NRG1: variants seen among roughly 807,000 people sequenced by gnomAD.
NRG1 encodes neuregulin 1.
A neutral mutation model predicts 63.8 loss-of-function variants in NRG1; 18 were observed. The ratio of observed to expected loss-of-function variants is 0.28; its 90% CI spans 0.19 to 0.42. NRG1 has a LOEUF of 0.42. Ranked by LOEUF, NRG1 falls within the 10% of genes least tolerant of loss-of-function variation. The pLI is 1.00. For synonymous variants in NRG1, 302 were observed against 301.3 expected, an observed-to-expected ratio of 1.00 and a Z score of -0.02; for missense variants, 762 against 814.7, an observed-to-expected ratio of 0.94 and a Z score of 0.79.
At chr8:32,103,292 C>G (rs1830808691) in intron 1 of NRG1, among the ~76,000 whole-genome samples, 1 of 152,170 alleles carries the variant, frequency 6.6e-6, no homozygotes, top group Admixed American at 6.5e-5. Context: ...CAATGTTTGT[C>G]TTTCTGTTCC....
intron 1 of NRG1, among the ~76,000 whole-genome samples, chr8:31,701,419 T>C (rs1810617204): frequency 6.6e-6 from 1 of 152,218 alleles, no homozygotes; most frequent in South Asian, 2.1e-4. Context: ...AAAGCTCTTA[T>C]GAACATACAT....
chr8:32,082,415 G>A (rs536544374), intron 1 of NRG1, among the ~76,000 whole-genome samples: 1 of 151,888 alleles, frequency 6.6e-6, no homozygotes, highest in African/African-American at 2.4e-5. Flanking sequence ...TCACCTCTAT[G>A]TGTCCATGAG....
intron 1 of NRG1, among the ~76,000 whole-genome samples, chr8:32,034,500 T>C (rs1818744756): frequency 6.6e-6 from 1 of 152,148 alleles, no homozygotes; most frequent in African/African-American, 2.4e-5. Flanking sequence ...TTTCAATTGT[T>C]TGGAATAGTT....
chr8:31,821,650 C>T (rs1824014979), intron 1 of NRG1, among the ~76,000 whole-genome samples: 1 of 151,952 alleles, frequency 6.6e-6, no homozygotes, highest in Admixed American at 6.6e-5. Context: ...TTGTCTTACC[C>T]TCTACTTACA....
intron 2 of NRG1, among the ~76,000 whole-genome samples, chr8:32,604,775 A>G (rs889706913): frequency 5.3e-5 from 8 of 152,158 alleles, no homozygotes; most frequent in African/African-American, 1.9e-4. Context: ...CTCTGAGCCA[A>G]TCCCTGCTGT....
At chr8:32,371,535 C>A (rs982940359) in intron 1 of NRG1, among the ~76,000 whole-genome samples, 1 of 152,168 alleles carries the variant, frequency 6.6e-6, no homozygotes, top group Admixed American at 6.5e-5. Flanking sequence ...AACAGCAAAA[C>A]CCCACTGCAT....
chr8:32,533,748 T>G (rs1030727515), intron 1 of NRG1, among the ~76,000 whole-genome samples: 2 of 152,022 alleles, frequency 1.3e-5, no homozygotes, highest in Admixed American at 6.6e-5. Context: ...ACCATGAAAG[T>G]GATAACGATT....
chr8:32,133,334 T>C (rs1318665296), intron 1 of NRG1, among the ~76,000 whole-genome samples: 1 of 152,014 alleles, frequency 6.6e-6, no homozygotes, highest in Non-Finnish European at 1.5e-5. Flanking sequence ...GAATTCTAGT[T>C]TTTGCCAAAT....
chr8:32,330,528 A>G (rs1802521736), intron 1 of NRG1, among the ~76,000 whole-genome samples: 1 of 152,242 alleles, frequency 6.6e-6, no homozygotes, highest in South Asian at 2.1e-4. Flanking sequence ...AGTCCTCAGC[A>G]GATCCTACCA....
rs540416934 is a variant in NRG1, at chr8:32,749,385, C to T, written c.692-4987C>T. On this transcript the variant is annotated intron_variant, in intron 7 of 11. Transcript: ENST00000356819. ...TAAAAAGAGACGTTCCCTATGTGAA[C>T]TCACAGAGGCGTACCTGAGCACTGC... 5.8e-4 allele frequency: 396 copies of T among 684,150 alleles called. 6 individuals are homozygous for T. In the South Asian group the frequency reaches 6.1e-3, roughly 11 times the overall value. The allele number at this position is 684,150 out of a possible 1,614,324, so 42.4% of individuals were successfully genotyped here.
intron 2 of NRG1, among the ~76,000 whole-genome samples, chr8:32,596,665 GC>G (rs937092511): frequency 5.1e-4 from 77 of 151,970 alleles, no homozygotes; most frequent in Middle Eastern, 3.4e-3. Context: ...GAGTACCAGT[GC>G]CTTACACAGT....
At chr8:31,963,920 T>C (rs529717068) in intron 1 of NRG1, among the ~76,000 whole-genome samples, 1 of 152,332 alleles carries the variant, frequency 6.6e-6, no homozygotes, top group South Asian at 2.1e-4. Flanking sequence ...GGCTGTTTTC[T>C]GTAGGCAAGT....
At chr8:32,176,809 A>AT (rs1319785809) in intron 1 of NRG1, among the ~76,000 whole-genome samples, 1 of 152,198 alleles carries the variant, frequency 6.6e-6, no homozygotes, top group Non-Finnish European at 1.5e-5. Context: ...AATGGCAATC[A>AT]TTAAAAAGTC....
At chr8:32,756,221 C>T (rs531891890) in intron 8 of NRG1, among the ~76,000 whole-genome samples, 182 bp from the exon 9 acceptor site, 2 of 152,178 alleles carry the variant, frequency 1.3e-5, no homozygotes, top group East Asian at 3.9e-4. Flanking sequence ...CTTTTAAAAT[C>T]TGTTTGGTAA....
intron 1 of NRG1, among the ~76,000 whole-genome samples, chr8:31,737,407 T>C (rs1251410612): frequency 6.6e-6 from 1 of 152,082 alleles, no homozygotes; most frequent in Non-Finnish European, 1.5e-5. Context: ...GACTGTGTTC[T>C]CTAGAGGTTC....
intron 1 of NRG1, among the ~76,000 whole-genome samples, chr8:32,119,242 A>G (rs1044220933): frequency 2.0e-5 from 3 of 152,068 alleles, no homozygotes; most frequent in African/African-American, 7.2e-5. Context: ...AACCCATGAA[A>G]TCAGTACTTT....
At chr8:31,828,364 A>G (rs1402156116) in intron 1 of NRG1, among the ~76,000 whole-genome samples, 1 of 152,174 alleles carries the variant, frequency 6.6e-6, no homozygotes, top group Non-Finnish European at 1.5e-5. Context: ...GAATTGACTG[A>G]GCTGGAGCCT....
At chr8:32,409,606 T>A (rs537175730) in intron 1 of NRG1, among the ~76,000 whole-genome samples, 9 of 152,228 alleles carry the variant, frequency 5.9e-5, no homozygotes, top group African/African-American at 1.9e-4. Context: ...CAGTGGAAAG[T>A]GAACAGAGCA....
chr8:32,632,957 C>A (rs938540286), intron 5 of NRG1, among the ~76,000 whole-genome samples: 2 of 152,064 alleles, frequency 1.3e-5, no homozygotes, highest in African/African-American at 4.8e-5. Flanking sequence ...TGTAGAATTT[C>A]CTTATTAATT....
Sources: gnomAD v4.1 joint callset for allele counts (sites outside exome capture counted in the v4.1 genomes callset) on GRCh38, gnomAD v4.1.1 for gene constraint, MANE v1.5 for transcripts, NCBI Gene and HGNC (gene_info 2026-07-23, HGNC 2026-07-21) for gene names.